PKN2: variants seen among roughly 807,000 people sequenced by gnomAD.
PKN2 encodes the protein serine/threonine-protein kinase N2.
Under a neutral mutation model 119.1 loss-of-function variants are expected in PKN2, and 38 were observed. The ratio of observed to expected loss-of-function variants is 0.32; its 90% confidence interval spans 0.25 to 0.42. The LOEUF (loss-of-function observed/expected upper bound fraction) is 0.42, where lower values mean the gene tolerates loss of function less well. PKN2 is among the 10% of genes least tolerant of loss of function. PKN2 has a pLI of 1.00. For synonymous variants in PKN2, 390 were observed against 384.9 expected, an observed-to-expected ratio of 1.01 and a Z score of -0.15; for missense variants, 850 against 1,165.1, an observed-to-expected ratio of 0.73 and a Z score of 3.94.
intron 1 of PKN2, among the ~76,000 whole-genome samples, chr1:88,685,443 A>T (rs1456270113): frequency 3.3e-5 from 5 of 152,160 alleles, no homozygotes; most frequent in Admixed American, 2.6e-4. Context: ...TGGGCACCAC[A>T]TGTCTGCAAA....
intron 1 of PKN2, among the ~76,000 whole-genome samples, chr1:88,736,341 A>G (rs941874023): frequency 4.0e-5 from 6 of 151,896 alleles, no homozygotes; most frequent in East Asian, 1.9e-4. Context: ...GCATGAAATT[A>G]TGGTTCCTGA....
At chr1:88,787,361 G>A (rs1000582406) in intron 8 of PKN2, among the ~76,000 whole-genome samples, 2 of 152,072 alleles carry the variant, frequency 1.3e-5, no homozygotes, top group Non-Finnish European at 2.9e-5. Flanking sequence ...TTATAACAAG[G>A]TTATTGTTAA....
intron 1 of PKN2, 142 bp from the exon 2 acceptor site, chr1:88,740,846 T>C: frequency 2.0e-6 from 1 of 506,822 alleles, no homozygotes; most frequent in South Asian, 3.7e-5. Context: ...AAGTAGTTGG[T>C]CTATTGCTTA....
intron 8 of PKN2, among the ~76,000 whole-genome samples, chr1:88,796,170 G>A (rs957194502): frequency 6.6e-6 from 1 of 151,938 alleles, no homozygotes; most frequent in Admixed American, 6.6e-5. Context: ...TTTTTTTTCA[G>A]ATCTTAGAAT....
At chr1:88,831,394 T>TA (rs1672728844) in intron 19 of PKN2, among the ~76,000 whole-genome samples, 1 of 151,790 alleles carries the variant, frequency 6.6e-6, no homozygotes, top group African/African-American at 2.4e-5. Context: ...TTGAGAATCC[T>TA]AGTAAAATAA....
At chr1:88,755,641 C>A (rs1394957325) in intron 2 of PKN2, among the ~76,000 whole-genome samples, 1 of 152,054 alleles carries the variant, frequency 6.6e-6, no homozygotes, top group Non-Finnish European at 1.5e-5. Flanking sequence ...GACCTGAGCA[C>A]TATATAGGCT....
At chr1:88,727,323 G>A (rs539167744) in intron 1 of PKN2, among the ~76,000 whole-genome samples, 9 of 151,206 alleles carry the variant, frequency 6.0e-5, no homozygotes, top group Non-Finnish European at 8.8e-5. Flanking sequence ...ATTCCTTTAG[G>A]TAACATATGG....
intron 17 of PKN2, 99 bp from the exon 18 acceptor site, chr1:88,824,211 G>A (rs1161619604): frequency 1.6e-6 from 1 of 616,654 alleles, no homozygotes; most frequent in South Asian, 2.1e-5. Flanking sequence ...TTTTAATAAA[G>A]AGAAAACACA....
At chr1:88,800,301 T>C (rs1290125133) in intron 8 of PKN2, among the ~76,000 whole-genome samples, 1 of 152,142 alleles carries the variant, frequency 6.6e-6, no homozygotes, top group Non-Finnish European at 1.5e-5. Flanking sequence ...TTTTGAAAAA[T>C]ACAAATACTG....
chr1:88,799,139 A>T (rs2100860468), intron 8 of PKN2, among the ~76,000 whole-genome samples: 1 of 152,350 alleles, frequency 6.6e-6, no homozygotes, highest in Non-Finnish European at 1.5e-5. Flanking sequence ...CATAGGAAGC[A>T]GTTGTGCATA....
chr1:88,793,852 A>C (rs1670945694), intron 8 of PKN2, among the ~76,000 whole-genome samples: 1 of 152,236 alleles, frequency 6.6e-6, no homozygotes, highest in African/African-American at 2.4e-5. Context: ...AAAAGTCTAC[A>C]TATTCAGTAC....
intron 7 of PKN2, among the ~76,000 whole-genome samples, chr1:88,785,344 G>A (rs908679169): frequency 6.6e-6 from 1 of 151,966 alleles, no homozygotes; most frequent in African/African-American, 2.4e-5. Context: ...GGATGGTCTC[G>A]AACTCAGGGG....
chr1:88,785,968 C>G (rs1670556169), intron 7 of PKN2, 136 bp from the exon 8 acceptor site: 1 of 573,926 alleles, frequency 1.7e-6, no homozygotes, highest in African/African-American at 1.9e-5. Flanking sequence ...ATTTAAGATT[C>G]AAAAGTTTTA....
intron 15 of PKN2, among the ~76,000 whole-genome samples, chr1:88,810,943 A>G (rs972303625): frequency 2.0e-5 from 3 of 152,154 alleles, no homozygotes; most frequent in Non-Finnish European, 4.4e-5. Flanking sequence ...TCATAGTCTA[A>G]ATTTTCTTTC....
intron 15 of PKN2, among the ~76,000 whole-genome samples, chr1:88,811,012 A>G (rs1160646792): frequency 6.6e-6 from 1 of 152,190 alleles, no homozygotes. Flanking sequence ...ATCATAGAAA[A>G]TTTCAAATCA....
intron 3 of PKN2, among the ~76,000 whole-genome samples, chr1:88,766,481 AT>A (rs1210888631): frequency 9.9e-5 from 15 of 152,192 alleles, no homozygotes; most frequent in Non-Finnish European, 2.1e-4. Flanking sequence ...AAGTCGTATA[AT>A]TTTTTAGTTA....
chr1:88,771,014 C>T (rs1299354508), intron 4 of PKN2, among the ~76,000 whole-genome samples: 2 of 150,770 alleles, frequency 1.3e-5, no homozygotes, highest in African/African-American at 4.9e-5. Flanking sequence ...TTATCAAGTA[C>T]TTACAATCAG....
intron 1 of PKN2, among the ~76,000 whole-genome samples, chr1:88,699,297 C>A (rs1666671147): frequency 6.6e-6 from 1 of 152,106 alleles, no homozygotes; most frequent in South Asian, 2.1e-4. Context: ...GTATATATTT[C>A]ATTGTGCAGC....
intron 1 of PKN2, among the ~76,000 whole-genome samples, chr1:88,704,758 G>A (rs1666905678): frequency 7.8e-6 from 1 of 128,318 alleles, no homozygotes; most frequent in Admixed American, 9.3e-5. Flanking sequence ...TCCAGCCCAG[G>A]CAACAGCAAG....
Sources: gnomAD v4.1 joint callset for allele counts (sites outside exome capture counted in the v4.1 genomes callset) on GRCh38, gnomAD v4.1.1 for gene constraint, MANE v1.5 for transcripts, NCBI Gene and HGNC (gene_info 2026-07-23, HGNC 2026-07-21) for gene names.